NEGR1: variants seen among roughly 807,000 people sequenced by gnomAD.
The protein encoded by NEGR1 is neuronal growth regulator 1, also known as IgLON family member 4.
In NEGR1, 10 loss-of-function variants were observed where a neutral mutation model predicts 40.9. That is an observed-to-expected ratio of 0.24 (90% confidence interval 0.15 to 0.42). The LOEUF (loss-of-function observed/expected upper bound fraction) is 0.42. Ranked by LOEUF, NEGR1 falls within the 10% of genes least tolerant of loss-of-function variation. The probability of loss-of-function intolerance (pLI) is 1.00; values close to 1 mark genes in which losing one functional copy is unlikely to be tolerated. For synonymous variants in NEGR1, 185 were observed against 166.8 expected (o/e 1.11, Z -0.84); for missense variants, 352 against 438.9 (o/e 0.80, Z 1.77).
At chr1:71,958,930 G>C (rs1417362621) in intron 1 of NEGR1, among the ~76,000 whole-genome samples, 1 of 148,480 alleles carries the variant, frequency 6.7e-6, no homozygotes, top group Admixed American at 6.7e-5. Context: ...ACTCCAGCCT[G>C]GGCAAGGCTC....
chr1:71,536,655 T>A (rs1163650502), intron 6 of NEGR1, among the ~76,000 whole-genome samples: 1 of 151,880 alleles, frequency 6.6e-6, no homozygotes, highest in Non-Finnish European at 1.5e-5. Flanking sequence ...AGAAGATAAC[T>A]ATAGAATCCA....
chr1:71,757,129 T>C (rs868295606), intron 3 of NEGR1, among the ~76,000 whole-genome samples: 1 of 152,218 alleles, frequency 6.6e-6, no homozygotes, highest in Non-Finnish European at 1.5e-5. Context: ...GCATTTTACC[T>C]CTTTTGTCGA....
At chr1:71,949,820 G>C (rs1477208971) in intron 1 of NEGR1, among the ~76,000 whole-genome samples, 1 of 152,022 alleles carries the variant, frequency 6.6e-6, no homozygotes, top group Non-Finnish European at 1.5e-5. Flanking sequence ...AAATAACTTA[G>C]TGATACTAAA....
At chr1:71,818,517 A>G (rs560102710) in intron 2 of NEGR1, among the ~76,000 whole-genome samples, 2 of 152,076 alleles carry the variant, frequency 1.3e-5, no homozygotes, top group Non-Finnish European at 2.9e-5. Flanking sequence ...AACAACAGAC[A>G]TTAGCACCTA....
chr1:71,857,804 A>C (rs952721170), intron 2 of NEGR1, among the ~76,000 whole-genome samples: 1 of 151,808 alleles, frequency 6.6e-6, no homozygotes, highest in Non-Finnish European at 1.5e-5. Flanking sequence ...CAAAATATAC[A>C]TTTTCTTTTT....
chr1:71,697,449 TA>T (rs1470258862), intron 4 of NEGR1, among the ~76,000 whole-genome samples: 2 of 151,830 alleles, frequency 1.3e-5, no homozygotes, highest in African/African-American at 4.8e-5. Flanking sequence ...GTGTGTAACA[TA>T]CTAGCATTGA....
intron 6 of NEGR1, among the ~76,000 whole-genome samples, chr1:71,433,870 T>A (rs1316687700): frequency 6.6e-6 from 1 of 152,250 alleles, no homozygotes; most frequent in Non-Finnish European, 1.5e-5. Flanking sequence ...TTTCTCTATG[T>A]TTCAAAATAA....
chr1:71,728,177 G>C (rs886339831), intron 3 of NEGR1, among the ~76,000 whole-genome samples: 1 of 152,116 alleles, frequency 6.6e-6, no homozygotes, highest in Non-Finnish European at 1.5e-5. Flanking sequence ...GAAGTGGGTT[G>C]CTTATATAGG....
At chr1:71,644,104 C>T (rs1240471519) in intron 4 of NEGR1, among the ~76,000 whole-genome samples, 5 of 151,946 alleles carry the variant, frequency 3.3e-5, no homozygotes, top group Non-Finnish European at 7.4e-5. Context: ...GAAGCAAAAG[C>T]TAAAACCACT....
At chr1:72,218,261 G>T (rs1384236211) in intron 1 of NEGR1, among the ~76,000 whole-genome samples, 2 of 151,848 alleles carry the variant, frequency 1.3e-5, no homozygotes, top group Admixed American at 6.6e-5. Flanking sequence ...TCATTAGCCA[G>T]ATCTATACAT....
chr1:71,522,730 TAC>T (rs3980477), intron 6 of NEGR1, among the ~76,000 whole-genome samples: 5,068 of 144,318 alleles, frequency 0.035, 137 homozygotes, highest in African/African-American at 0.078. Context: ...ACCCCCCCCT[TAC>T]ACACACACAC....
At chr1:71,547,744 C>A (rs187444865) in intron 6 of NEGR1, among the ~76,000 whole-genome samples, 1 of 150,148 alleles carries the variant, frequency 6.7e-6, no homozygotes, top group East Asian at 2.0e-4. Flanking sequence ...GCAGCCATGG[C>A]ATCTGTGGTT....
intron 1 of NEGR1, among the ~76,000 whole-genome samples, chr1:72,193,737 G>A (rs2100433528): frequency 6.6e-6 from 1 of 150,880 alleles, no homozygotes; most frequent in Non-Finnish European, 1.5e-5. Context: ...ACAATCTGTA[G>A]GCATTACATG....
chr1:71,461,172 T>C (rs1037582678), intron 6 of NEGR1, among the ~76,000 whole-genome samples: 2 of 152,150 alleles, frequency 1.3e-5, no homozygotes, highest in African/African-American at 2.4e-5. Flanking sequence ...ATAAACATGA[T>C]TGTCTTGTTA....
chr1:72,141,510 C>T (rs928016182), intron 1 of NEGR1, among the ~76,000 whole-genome samples: 3 of 151,904 alleles, frequency 2.0e-5, no homozygotes, highest in African/African-American at 7.2e-5. Context: ...GAGTTATCAT[C>T]TTCTTAAAAT....
At chr1:72,043,256 A>G (rs1454855272) in intron 1 of NEGR1, among the ~76,000 whole-genome samples, 1 of 151,678 alleles carries the variant, frequency 6.6e-6, no homozygotes, top group Non-Finnish European at 1.5e-5. Context: ...CATTTTCTCT[A>G]CTTGCCTTTT....
intron 6 of NEGR1, among the ~76,000 whole-genome samples, chr1:71,530,750 T>C (rs1048058946): frequency 1.3e-5 from 2 of 151,360 alleles, no homozygotes; most frequent in Non-Finnish European, 3.0e-5. Flanking sequence ...TTCTGGGACA[T>C]AATGGCTGCT....
chr1:71,786,996 G>C (rs1212649188), intron 2 of NEGR1, among the ~76,000 whole-genome samples: 1 of 152,188 alleles, frequency 6.6e-6, no homozygotes, highest in East Asian at 1.9e-4. Context: ...ACCACATGCG[G>C]TCGCCACATG....
intron 1 of NEGR1, among the ~76,000 whole-genome samples, chr1:72,103,192 T>C (rs1649010038): frequency 6.6e-6 from 1 of 152,110 alleles, no homozygotes; most frequent in South Asian, 2.1e-4. Flanking sequence ...CATGGACATT[T>C]GGCCATTACA....
Sources: gnomAD v4.1 joint callset for allele counts (sites outside exome capture counted in the v4.1 genomes callset) on GRCh38, gnomAD v4.1.1 for gene constraint, MANE v1.5 for transcripts, NCBI Gene and HGNC (gene_info 2026-07-23, HGNC 2026-07-21) for gene names.